The following LAPTM4B variants were observed in gnomAD, a reference collection of about 807,000 sequenced individuals.
The protein encoded by LAPTM4B is lysosomal-associated transmembrane protein 4B.
In LAPTM4B, 26 loss-of-function variants were observed where a neutral mutation model predicts 28.5. The observed-to-expected ratio is 0.91, with a 90% CI of 0.67 to 1.27. The LOEUF is 1.27. LAPTM4B is among the 50% of genes most tolerant of loss of function. The pLI is 0.00. For missense variants in LAPTM4B, 288 were observed against 285.8 expected (o/e 1.01, Z -0.06); for synonymous variants, 109 against 106.4 (o/e 1.02, Z -0.15).
rs7820745 is a variant in LAPTM4B, at chr8:97,794,557, T to A, written c.100-10796T>A. On this transcript the variant is annotated intron_variant, in intron 1 of 6. Transcript: ENST00000521545. ...TCCCCCCAGAATATATTTACCATAT[T>A]TATTTGAATTGAAATAACAAGCATG... is the stretch of plus-strand genomic sequence containing the variant. Among the ~76,000 whole-genome samples the A allele has an allele frequency of 9.8e-3, 1,488 of 152,016 alleles. 19 individuals are homozygous for A. The highest frequency in any genetic ancestry group is 0.034 in the African/African-American group (1,400 of 41,550).
At chr8:97,783,801 A>T (rs1816360863) in intron 1 of LAPTM4B, among the ~76,000 whole-genome samples, 1 of 152,170 alleles carries the variant, frequency 6.6e-6, no homozygotes, top group Admixed American at 6.6e-5. Context: ...TTCTTTCTGT[A>T]ACTTCAGAAA....
At chr8:97,812,036 G>C (rs961439832) in intron 2 of LAPTM4B, among the ~76,000 whole-genome samples, 1 of 151,788 alleles carries the variant, frequency 6.6e-6, no homozygotes, top group African/African-American at 2.4e-5. Context: ...GAACTCCTGG[G>C]CTCAAGCGAT....
intron 6 of LAPTM4B, among the ~76,000 whole-genome samples, chr8:97,826,478 G>C (rs1194905310): frequency 6.6e-6 from 1 of 152,084 alleles, no homozygotes; most frequent in African/African-American, 2.4e-5. Flanking sequence ...ACTGGCTTAA[G>C]AATTTTTTTC....
At chr8:97,831,464 GGA>G (rs1042246934) in intron 6 of LAPTM4B, among the ~76,000 whole-genome samples, 12 of 152,146 alleles carry the variant, frequency 7.9e-5, no homozygotes, top group African/African-American at 1.7e-4. Context: ...GAAGCCTTGG[GGA>G]GTAGTAGAGT....
chr8:97,805,340 T>TTTTCTTTTTGCAGA lies in LAPTM4B; in HGVS notation c.100-11_100-10insTCTTTTTGCAGATT. 2 of 1,344,670 alleles carry TTTTCTTTTTGCAGA rather than the reference T, an allele frequency of 1.5e-6. No homozygotes were observed. The highest frequency in any genetic ancestry group is 2.1e-6 in the Non-Finnish European group (2 of 959,832). The allele number at this position is 1,344,670 out of a possible 1,614,324, so 83.3% of individuals were successfully genotyped here. A position where few individuals can be genotyped will look rare whatever the true frequency, so the allele number is the denominator to read the frequency against. Reference sequence around the variant, plus strand: ...ACTTAAATTCTTTTTTTTTTTTTTTTTTCTTGTTGCAGATCATCAATGCTG... The same window carrying TTTTCTTTTTGCAGA: ...ACTTAAATTCTTTTTTTTTTTTTTTTTTTCTTTTTGCAGATTCTTGTTGCAGATCATCAATGCTG... On this transcript the variant is annotated splice_polypyrimidine_tract_variant and intron_variant, in intron 1 of 6. Coordinates refer to ENST00000521545, the MANE Select transcript of LAPTM4B (RefSeq NM_018407.6).
rs535176349 is a variant in LAPTM4B, at chr8:97,849,999, G to T, written c.604-1398G>T. On this transcript the variant is annotated intron_variant, in intron 6 of 6. Transcript: ENST00000521545. ...TTCTGTGCACACTGGCCTCTACCTG[G>T]TTCAGCGGGAAGCCTCTCCACTGTC... 4.6e-4 allele frequency among the ~76,000 whole-genome samples: 70 copies of T among 151,928 alleles called. 1 individual carries two copies. In the South Asian group the frequency reaches 0.014, roughly 31 times the overall value.
intron 2 of LAPTM4B, 29 bp downstream of exon 2, chr8:97,805,493 A>G: frequency 8.0e-7 from 1 of 1,243,840 alleles, no homozygotes; most frequent in Non-Finnish European, 1.2e-6. Context: ...GGTATTTTCA[A>G]GGGCAGGGAA....
At chr8:97,784,431 T>G (rs550755674) in intron 1 of LAPTM4B, among the ~76,000 whole-genome samples, 9 of 152,114 alleles carry the variant, frequency 5.9e-5, no homozygotes, top group Non-Finnish European at 1.2e-4. Flanking sequence ...TTTTTTTGGT[T>G]GTTGTTTTTG....
chr8:97,780,297 C>T (rs11997964), intron 1 of LAPTM4B, among the ~76,000 whole-genome samples: 5,206 of 151,812 alleles, frequency 0.034, 310 homozygotes, highest in African/African-American at 0.12. Flanking sequence ...CGTGGTGGCA[C>T]GTGCCTGTAA....
chr8:97,781,004 T>A (rs1300801035), intron 1 of LAPTM4B, among the ~76,000 whole-genome samples: 1 of 152,048 alleles, frequency 6.6e-6, no homozygotes, highest in Non-Finnish European at 1.5e-5. Context: ...AATTTTTTTT[T>A]TTTGAGACCG....
At chr8:97,834,940 G>C (rs918298899) in intron 6 of LAPTM4B, among the ~76,000 whole-genome samples, 1 of 152,200 alleles carries the variant, frequency 6.6e-6, no homozygotes, top group African/African-American at 2.4e-5. Context: ...GGCTCTGCAT[G>C]TTTAAAGATT....
At chr8:97,849,232 G>C (rs1015772021) in intron 6 of LAPTM4B, among the ~76,000 whole-genome samples, 19 of 152,160 alleles carry the variant, frequency 1.2e-4, no homozygotes, top group Admixed American at 2.0e-4. Flanking sequence ...AGCCTAAATT[G>C]GTTGTCCTTG....
At chr8:97,840,512 C>T (rs1817328840) in intron 6 of LAPTM4B, among the ~76,000 whole-genome samples, 1 of 152,020 alleles carries the variant, frequency 6.6e-6, no homozygotes, top group African/African-American at 2.4e-5. Flanking sequence ...ATTAGAACTC[C>T]CAAAAATGTG....
At chr8:97,826,839 AGTT>A (rs1159773887) in intron 6 of LAPTM4B, among the ~76,000 whole-genome samples, 1 of 152,192 alleles carries the variant, frequency 6.6e-6, no homozygotes, top group Non-Finnish European at 1.5e-5. Flanking sequence ...GCAGAAGGCA[AGTT>A]GTTGTTTAGC....
intron 1 of LAPTM4B, among the ~76,000 whole-genome samples, chr8:97,779,719 A>G (rs892423983): frequency 6.6e-6 from 1 of 150,928 alleles, no homozygotes; most frequent in Non-Finnish European, 1.5e-5. Context: ...CTGGAGGTGG[A>G]AAGTCCAGCC....
Position 97,825,148 on chromosome 8 carries a change from A to C in LAPTM4B, c.598A>C (p.Thr200Pro), listed in dbSNP as rs752679526. The C allele has an allele frequency of 6.4e-7, 1 of 1,562,694 alleles. No homozygotes were observed. Among genetic ancestry groups the C allele is most frequent in the Non-Finnish European group, 8.8e-7 (1 of 1,133,546 alleles). Reference protein sequence around the residue: ...DVLVYVTSNDTTVLLPPYDDA... With the variant: ...DVLVYVTSNDPTVLLPPYDDA... ...CCTGGTTTATGTTACCAGCAATGAC[A>C]CTACGGTAGGTATGATGTCACTTAT... Residue 200 changes from threonine (T) to proline (P), a missense_variant, in exon 6 of 7, where the codon ACT becomes CCT. Physicochemically the swap from Thr to Pro is conservative, Grantham distance 38. Coordinates refer to ENST00000521545, the MANE Select transcript of LAPTM4B (RefSeq NM_018407.6).
chr8:97,796,855 G>A (rs1044913758), intron 1 of LAPTM4B, among the ~76,000 whole-genome samples: 6 of 152,270 alleles, frequency 3.9e-5, no homozygotes, highest in African/African-American at 7.2e-5. Context: ...CAGGAGATTC[G>A]CTTGAACCCA....
chr8:97,803,837 C>T (rs1816723800), intron 1 of LAPTM4B, among the ~76,000 whole-genome samples: 1 of 151,922 alleles, frequency 6.6e-6, no homozygotes, highest in African/African-American at 2.4e-5. Flanking sequence ...GAGATGGGGT[C>T]TCACTGTGTT....
intron 5 of LAPTM4B, among the ~76,000 whole-genome samples, chr8:97,821,742 G>T (rs1817006728): frequency 6.6e-6 from 1 of 152,100 alleles, no homozygotes; most frequent in Non-Finnish European, 1.5e-5. Context: ...GCTACAAGGG[G>T]TTTTATGCTC....
Sources: gnomAD v4.1 joint callset for allele counts (sites outside exome capture counted in the v4.1 genomes callset) on GRCh38, gnomAD v4.1.1 for gene constraint, MANE v1.5 for transcripts, NCBI Gene and HGNC (gene_info 2026-07-23, HGNC 2026-07-21) for gene names.